The following NLRP5 variants were observed in gnomAD, a reference collection of about 807,000 sequenced individuals.
The protein encoded by NLRP5 is NACHT, LRR and PYD domains-containing protein 5.
NLRP5 carries 93 observed loss-of-function variants against 113.1 expected under a neutral mutation model. The observed-to-expected ratio is 0.82, with a 90% CI of 0.70 to 0.98. The LOEUF (loss-of-function observed/expected upper bound fraction) is 0.98. Among genes scored for constraint, NLRP5 ranks in the 50% least tolerant of loss-of-function variants. NLRP5 has a pLI of 0.00. For synonymous variants in NLRP5, 751 were observed against 600.7 expected (o/e 1.25, Z -3.66); for missense variants, 1,808 against 1,514.3 (o/e 1.19, Z -3.22).
intron 7 of NLRP5, among the ~76,000 whole-genome samples, chr19:56,031,898 C>T (rs932794804): frequency 3.9e-5 from 6 of 152,180 alleles, no homozygotes; most frequent in Non-Finnish European, 7.3e-5. Flanking sequence ...TCTTCCACAT[C>T]CTGATCTCAG....
At chr19:56,037,553 TATG>T (rs574267611) in intron 9 of NLRP5, among the ~76,000 whole-genome samples, 221 of 151,552 alleles carry the variant, frequency 1.5e-3, no homozygotes, top group African/African-American at 5.2e-3. Context: ...ATTAGCCAGG[TATG>T]GTGGTGGGCA....
intron 10 of NLRP5, among the ~76,000 whole-genome samples, chr19:56,039,161 G>A (rs1983428148): frequency 6.6e-6 from 1 of 152,210 alleles, no homozygotes; most frequent in Non-Finnish European, 1.5e-5. Flanking sequence ...CGACAGATGA[G>A]ACAGCTTCAG....
the NLRP5 span, among the ~76,000 whole-genome samples, chr19:55,987,246 T>C: frequency 6.6e-6 from 1 of 152,192 alleles, no homozygotes. Flanking sequence ...GGCATGTGCC[T>C]ATAATCCCAC....
intron 9 of NLRP5, among the ~76,000 whole-genome samples, chr19:56,034,111 G>A (rs1462770984): frequency 3.3e-5 from 5 of 151,980 alleles, no homozygotes; most frequent in South Asian, 2.1e-4. Context: ...CTTCTGGGCC[G>A]GGCGCGGTGG....
intron 11 of NLRP5, 135 bp from the exon 12 acceptor site, chr19:56,050,283 A>C: frequency 2.6e-6 from 2 of 759,678 alleles, no homozygotes; most frequent in Non-Finnish European, 4.0e-6. Context: ...CCTCAAAAAA[A>C]AAAAAGAAAA....
chr19:56,044,073 T>C (rs1983631504), intron 11 of NLRP5, among the ~76,000 whole-genome samples: 1 of 151,222 alleles, frequency 6.6e-6, no homozygotes, highest in Non-Finnish European at 1.5e-5. Flanking sequence ...AGGTCTTTTT[T>C]TTTTTTTGGA....
chr19:56,039,766 T>C (rs1033016019), intron 10 of NLRP5, among the ~76,000 whole-genome samples: 6 of 151,850 alleles, frequency 4.0e-5, no homozygotes, highest in South Asian at 2.1e-4. Flanking sequence ...ACAAAAAAAT[T>C]AGCTGTGCAT....
At chr19:56,043,087 C>T (rs947533057) in intron 11 of NLRP5, among the ~76,000 whole-genome samples, 16 of 151,976 alleles carry the variant, frequency 1.1e-4, no homozygotes, top group Non-Finnish European at 1.5e-4. Flanking sequence ...GTATCTTTTT[C>T]GAATATTGAC....
At chr19:56,060,931 A>C (rs567831771) in intron 14 of NLRP5, among the ~76,000 whole-genome samples, 28 of 152,302 alleles carry the variant, frequency 1.8e-4, no homozygotes, top group African/African-American at 6.3e-4. Context: ...CAGCATTATT[A>C]TTAGAAAAGG....
chr19:56,030,771 G>A (rs1029114883), intron 7 of NLRP5, among the ~76,000 whole-genome samples: 43 of 128,010 alleles, frequency 3.4e-4, no homozygotes, highest in East Asian at 8.0e-4. Flanking sequence ...CTGGAGTGCA[G>A]TGGTGCGATC....
chr19:56,037,967 G>T, intron 9 of NLRP5, 58 bp from the exon 10 acceptor site: 3 of 1,582,020 alleles, frequency 1.9e-6, no homozygotes, highest in Non-Finnish European at 2.6e-6. Context: ...CTGAGTAGAG[G>T]GGAAATGGGC....
intron 11 of NLRP5, among the ~76,000 whole-genome samples, chr19:56,049,415 G>A (rs934152791): frequency 3.3e-5 from 5 of 151,974 alleles, no homozygotes; most frequent in East Asian, 1.9e-4. Context: ...TTCCAACCTC[G>A]GGTGATCCAC....
intron 3 of NLRP5, among the ~76,000 whole-genome samples, chr19:56,013,327 G>A (rs1982272564): frequency 6.6e-6 from 1 of 152,028 alleles, no homozygotes; most frequent in South Asian, 2.1e-4. Context: ...TGAGTAGCTG[G>A]GACTACAGGT....
chr19:56,004,008 G>GCAT lies in NLRP5; in HGVS notation c.357_359dup (p.Ser120dup). ...ACTCCTCTTGCATGAGTATTATGGAGCATCGCTGGCCTGGGCTACGTCCAT... is the reference window on the plus strand; with the variant it reads ...ACTCCTCTTGCATGAGTATTATGGAGCATCATCGCTGGCCTGGGCTACGTCCAT... On this transcript the variant is annotated inframe_insertion, in exon 2 of 15. Transcript: ENST00000390649. 6.2e-7 allele frequency: 1 copy of GCAT among 1,613,946 alleles called. No homozygotes were observed. The highest frequency in any genetic ancestry group is 8.5e-7 in the Non-Finnish European group (1 of 1,179,876).
At chr19:56,021,805 A>G (rs1409374485) in intron 6 of NLRP5, among the ~76,000 whole-genome samples, 1 of 152,224 alleles carries the variant, frequency 6.6e-6, no homozygotes, top group East Asian at 1.9e-4. Flanking sequence ...TGATGGAAAG[A>G]AGTGACTTGA....
chr19:56,036,682 C>A (rs1244222646), intron 9 of NLRP5, among the ~76,000 whole-genome samples: 2 of 152,146 alleles, frequency 1.3e-5, no homozygotes, highest in Non-Finnish European at 2.9e-5. Flanking sequence ...ACAGACCAGG[C>A]ACAGTGGCTC....
rs1185685852 is a variant in NLRP5, at chr19:56,033,618, C to G, written c.2524C>G (p.Leu842Val). 2 of 1,613,632 alleles carry G rather than the reference C, an allele frequency of 1.2e-6. No homozygotes were observed. The highest frequency in any genetic ancestry group is 1.7e-4 in the Middle Eastern group (1 of 6,060). The stretch of plus-strand genomic sequence containing the variant: ...CATGGCCAACCGTAACCTAAGATCC[C>G]TCAACTTGGGAGGCACCCACCTGAA... Residue 842 changes from leucine (L) to valine (V), a missense_variant, in exon 9 of 15, where the codon CTC (leucine) becomes GTC (valine). By Grantham distance (32) the Leu-to-Val change is conservative. Coordinates refer to ENST00000390649, the MANE Select transcript of NLRP5 (RefSeq NM_153447.4).
rs185676997 is a variant in NLRP5, at chr19:56,049,750, G to A, written c.2958-668G>A. Among the ~76,000 whole-genome samples the A allele has an allele frequency of 1.2e-4, 19 of 152,038 alleles. 1 individual carries two copies. In the East Asian group the frequency reaches 1.9e-3, roughly 15 times the overall value. ...TCCTTGAATATTTCTCCCTTTGCTTGTATCATATTTTGGATTTCCTTGCAT... is the reference window on the plus strand; with the variant it reads ...TCCTTGAATATTTCTCCCTTTGCTTATATCATATTTTGGATTTCCTTGCAT... On this transcript the variant is annotated intron_variant, in intron 11 of 14. Transcript: ENST00000390649.
intron 6 of NLRP5, among the ~76,000 whole-genome samples, chr19:56,021,105 C>T (rs190859098): frequency 9.2e-5 from 14 of 152,158 alleles, no homozygotes; most frequent in African/African-American, 2.2e-4. Flanking sequence ...CTCCTGATCT[C>T]GTGATCTGCC....
Sources: allele counts gnomAD v4.1 joint callset (sites outside exome capture counted in the v4.1 genomes callset), GRCh38; gene constraint gnomAD v4.1.1; transcripts MANE v1.5; gene names NCBI Gene and HGNC (gene_info 2026-07-23, HGNC 2026-07-21).